CNNM2: variants seen among roughly 807,000 people sequenced by gnomAD.
CNNM2 encodes the protein cyclin and CBS domain divalent metal cation transport mediator 2.
A neutral mutation model predicts 66.9 loss-of-function variants in CNNM2; 12 were observed. That is an observed-to-expected ratio of 0.18 (90% confidence interval 0.11 to 0.29). The LOEUF (loss-of-function observed/expected upper bound fraction) is 0.29. Ranked by LOEUF, CNNM2 falls within the 10% of genes least tolerant of loss-of-function variation. The pLI is 1.00. For missense variants in CNNM2, 705 were observed against 1,167.7 expected, an observed-to-expected ratio of 0.60 and a Z score of 5.77; for synonymous variants, 557 against 501.8, an observed-to-expected ratio of 1.11 and a Z score of -1.47.
chr10:102,979,762 A>G (rs1339642507), intron 1 of CNNM2, among the ~76,000 whole-genome samples: 1 of 147,196 alleles, frequency 6.8e-6, no homozygotes, highest in Non-Finnish European at 1.5e-5. Context: ...AATAAGACAA[A>G]TGAGGTTAAA....
chr10:102,938,171 C>T (rs1457423925), intron 1 of CNNM2, among the ~76,000 whole-genome samples: 3 of 151,382 alleles, frequency 2.0e-5, no homozygotes, highest in Non-Finnish European at 4.4e-5. Flanking sequence ...TGCGGTGGCA[C>T]GTACCTGTAA....
At chr10:102,980,167 T>C (rs1325199752) in intron 1 of CNNM2, among the ~76,000 whole-genome samples, 5 of 152,274 alleles carry the variant, frequency 3.3e-5, no homozygotes, top group Non-Finnish European at 7.4e-5. Flanking sequence ...GTCTCAGAAC[T>C]CCTGACCTCA....
intron 1 of CNNM2, among the ~76,000 whole-genome samples, chr10:103,047,264 G>T (rs1026385320): frequency 7.9e-5 from 12 of 152,182 alleles, no homozygotes; most frequent in African/African-American, 2.9e-4. Flanking sequence ...CTATAACCCA[G>T]TATACTCATG....
Position 103,010,847 on chromosome 10 carries a change from A to G in CNNM2, c.1622-38860A>G, listed in dbSNP as rs376179902. On this transcript the variant is annotated intron_variant, in intron 1 of 7. Transcript: ENST00000369878. ...AGCCTGGTCTTGAAATCCTGACCAC[A>G]GGTGATCCACTCCCCCCAGCCTCCC... Among the ~76,000 whole-genome samples, 20 of 152,128 alleles carry G rather than the reference A, an allele frequency of 1.3e-4. No individual in the cohort carries two copies. The East Asian group carries it at 1.4e-3, about 10-fold the overall frequency.
rs545129149 is a variant in CNNM2 at position 102,956,603 on chromosome 10, A to G, written c.1621+36502A>G. Among the ~76,000 whole-genome samples, 7 of 152,334 alleles carry G rather than the reference A, an allele frequency of 4.6e-5. No individual in the cohort carries two copies. The East Asian group carries it at 1.3e-3, about 29-fold the overall frequency. On this transcript the variant is annotated intron_variant, in intron 1 of 7. Coordinates refer to ENST00000369878, the MANE Select transcript of CNNM2 (RefSeq NM_017649.5). The stretch of plus-strand genomic sequence containing the variant: ...CATCAATGATAGACCGGATAAAGAA[A>G]ATGTGGCACATATACACCATCGAAT...
rs183450128 is a variant in CNNM2, at chr10:103,085,541, C to G, written c.*8361C>G. 1 of 152,344 alleles carries G rather than the reference C, an allele frequency of 6.6e-6. No individual in the cohort carries two copies. Among genetic ancestry groups the G allele is most frequent in the East Asian group, 1.9e-4 (1 of 5,196 alleles). 9.4% of individuals were successfully genotyped at this position (152,344 alleles called of 1,614,324 possible). ...AGGTTTATCTCAGGCCTTGTCTACTCCCCTCGCCAGACATGGCTTTGGGAA... is the reference window on the plus strand; with the variant it reads ...AGGTTTATCTCAGGCCTTGTCTACTGCCCTCGCCAGACATGGCTTTGGGAA... On this transcript the variant is annotated 3_prime_UTR_variant, in exon 8 of 8. Transcript: ENST00000369878.
intron 1 of CNNM2, among the ~76,000 whole-genome samples, chr10:103,024,778 G>A (rs947336799): frequency 5.3e-5 from 8 of 151,750 alleles, no homozygotes; most frequent in Non-Finnish European, 1.0e-4. Context: ...GCACCCGGCC[G>A]ATATTGGCTT....
intron 1 of CNNM2, among the ~76,000 whole-genome samples, chr10:102,945,831 A>G (rs767852760): frequency 4.6e-5 from 7 of 151,544 alleles, no homozygotes; most frequent in Admixed American, 3.9e-4. Context: ...GTTGTTTACA[A>G]TTTCTTCTCG....
chr10:102,920,250 G>A (rs968360612), intron 1 of CNNM2, 149 bp downstream of exon 1: 13 of 1,526,078 alleles, frequency 8.5e-6, no homozygotes, highest in Admixed American at 1.8e-5. Context: ...AAAGGGTGGC[G>A]TGGATTTGGG....
At chr10:103,035,880 C>T (rs923972099) in intron 1 of CNNM2, among the ~76,000 whole-genome samples, 10 of 152,142 alleles carry the variant, frequency 6.6e-5, no homozygotes, top group African/African-American at 2.4e-4. Context: ...TTCTTTGTTT[C>T]AGAGGGTTAC....
chr10:102,939,463 C>T (rs1846350520), intron 1 of CNNM2, among the ~76,000 whole-genome samples: 1 of 152,178 alleles, frequency 6.6e-6, no homozygotes, highest in Admixed American at 6.5e-5. Context: ...TGCTTGGCCC[C>T]TTTACTGTTT....
Position 103,084,493 on chromosome 10 carries a change from G to A in CNNM2, c.*7313G>A, listed in dbSNP as rs1277692967. ...GGCAGAAAGTGGCAGCAGAGCTAGGGAAAGAAATCATGGTAGCACATTCAC... is the reference window on the plus strand; with the variant it reads ...GGCAGAAAGTGGCAGCAGAGCTAGGAAAAGAAATCATGGTAGCACATTCAC... On this transcript the variant is annotated 3_prime_UTR_variant, in exon 8 of 8. Transcript: ENST00000369878. 4 of 152,200 alleles carry A rather than the reference G, an allele frequency of 2.6e-5. No homozygotes were observed. The highest frequency in any genetic ancestry group is 4.8e-5 in the African/African-American group (2 of 41,448). 9.4% of individuals were successfully genotyped at this position (152,200 alleles called of 1,614,324 possible). A position where few individuals can be genotyped will look rare whatever the true frequency, so the allele number is the denominator to read the frequency against.
Position 102,919,092 on chromosome 10 carries a change from C to T in CNNM2, c.612C>T (p.Gly204=). The T allele has an allele frequency of 6.2e-7, 1 of 1,611,914 alleles. No homozygotes were observed. Among genetic ancestry groups the T allele is most frequent in the Non-Finnish European group, 8.5e-7 (1 of 1,179,412 alleles). Residue 204 remains glycine, a synonymous_variant, in exon 1 of 8, where the codon GGC becomes GGT. Coordinates refer to ENST00000369878, the MANE Select transcript of CNNM2 (RefSeq NM_017649.5). ...CCACGCCCGCCCTGGGCGCCGGCGG[C>T]TCGGGGTCCACGGGTGGCGCCGTCG... ...SLSTPALGAG[G]SGSTGGAVGG... is the part of the protein sequence containing the mutation.
intron 1 of CNNM2, among the ~76,000 whole-genome samples, chr10:102,957,937 CT>C (rs1486053673): frequency 6.6e-6 from 1 of 151,968 alleles, no homozygotes; most frequent in Non-Finnish European, 1.5e-5. Context: ...AGAAGCTCTA[CT>C]TTTTCTTTTT....
chr10:103,073,222 C>T (rs1042016100), intron 6 of CNNM2, among the ~76,000 whole-genome samples: 11 of 152,106 alleles, frequency 7.2e-5, no homozygotes, highest in Admixed American at 2.0e-4. Context: ...GGCAGTGGGG[C>T]GAGAGGAAGC....
intron 1 of CNNM2, among the ~76,000 whole-genome samples, chr10:103,017,396 G>T (rs2134280384): frequency 6.6e-6 from 1 of 152,232 alleles, no homozygotes; most frequent in South Asian, 2.1e-4. Flanking sequence ...ATCTAAGTGG[G>T]GAGCAGACTA....
intron 1 of CNNM2, among the ~76,000 whole-genome samples, chr10:102,924,795 A>G (rs187557120): frequency 6.6e-5 from 10 of 152,214 alleles, no homozygotes; most frequent in Admixed American, 2.6e-4. Context: ...TAGTGTTTAA[A>G]GGTATGAATG....
At chr10:102,932,291 C>T (rs577869362) in intron 1 of CNNM2, among the ~76,000 whole-genome samples, 53 of 152,096 alleles carry the variant, frequency 3.5e-4, no homozygotes, top group African/African-American at 1.3e-3. Context: ...CTCAACCGAT[C>T]CTCCAGCCTT....
At chr10:103,008,647 C>G (rs896144829) in intron 1 of CNNM2, among the ~76,000 whole-genome samples, 1 of 151,926 alleles carries the variant, frequency 6.6e-6, no homozygotes. Context: ...GGCGTGGTGG[C>G]ACATGCCTGT....
Sources: allele counts gnomAD v4.1 joint callset (sites outside exome capture counted in the v4.1 genomes callset), GRCh38; gene constraint gnomAD v4.1.1; transcripts MANE v1.5; gene names NCBI Gene and HGNC (gene_info 2026-07-23, HGNC 2026-07-21).